CCDC12: variants seen among roughly 807,000 people sequenced by gnomAD.
CCDC12 encodes the protein coiled-coil domain-containing protein 12.
Under a neutral mutation model 25.7 loss-of-function variants are expected in CCDC12, and 28 were observed. The ratio of observed to expected loss-of-function variants is 1.09; its 90% CI spans 0.81 to 1.50. The LOEUF is 1.50. Ranked by LOEUF, CCDC12 falls within the 40% of genes most tolerant of loss-of-function variation. The pLI, the probability that CCDC12 is intolerant of heterozygous loss-of-function variation, is 0.00. For missense variants in CCDC12, 198 were observed against 210.0 expected, an observed-to-expected ratio of 0.94 and a Z score of 0.35; for synonymous variants, 75 against 87.7, an observed-to-expected ratio of 0.86 and a Z score of 0.81.
chr3:46,979,641 T>A, upstream of CCDC12: 1 of 308,610 alleles, frequency 3.2e-6, no homozygotes, highest in Non-Finnish European at 5.9e-6. Context: ...TGCAGCGAAG[T>A]GCAGGAAGCT....
chr3:46,980,755 C>A (rs929876425), upstream of CCDC12, among the ~76,000 whole-genome samples: 2 of 152,156 alleles, frequency 1.3e-5, no homozygotes, highest in African/African-American at 4.8e-5. Context: ...CACACCGTCT[C>A]ACACACATAG....
intron 1 of CCDC12, among the ~76,000 whole-genome samples, chr3:46,955,885 T>G (rs1169391754): frequency 6.6e-6 from 1 of 152,182 alleles, no homozygotes; most frequent in African/African-American, 2.4e-5. Context: ...TGGTACTTGC[T>G]CATCTACTCA....
chr3:46,923,795 C>T, intron 3 of CCDC12, 127 bp from the exon 4 acceptor site: 2 of 716,632 alleles, frequency 2.8e-6, no homozygotes, highest in Non-Finnish European at 4.1e-6. Context: ...TCTGTGTGGC[C>T]CGCAACCAGC....
intron 2 of CCDC12, among the ~76,000 whole-genome samples, chr3:46,931,595 TGCTGCCCTG>T (rs148711982): frequency 1.4e-4 from 10 of 72,330 alleles, no homozygotes; most frequent in Admixed American, 1.7e-4. Flanking sequence ...CACATTCACC[TGCTGCCCTG>T]GGCCCCTGGA....
At chr3:46,962,703 C>T (rs1251300805) in intron 1 of CCDC12, among the ~76,000 whole-genome samples, 2 of 152,116 alleles carry the variant, frequency 1.3e-5, no homozygotes, top group Admixed American at 6.5e-5. Context: ...ATACCTCCAC[C>T]AGCCTGGCTA....
chr3:46,941,162 G>T, intron 1 of CCDC12, 97 bp from the exon 2 acceptor site: 1 of 1,194,434 alleles, frequency 8.4e-7, no homozygotes. Flanking sequence ...CTCAGAAGGG[G>T]GGCACCTGGC....
chr3:46,958,927 T>C (rs1268783364), intron 1 of CCDC12, among the ~76,000 whole-genome samples: 1 of 152,124 alleles, frequency 6.6e-6, no homozygotes, highest in Non-Finnish European at 1.5e-5. Context: ...GCAAAATTCT[T>C]TACAAGTCAA....
At chr3:46,922,644 G>C in intron 5 of CCDC12, 1 of 396,826 alleles carries the variant, frequency 2.5e-6, no homozygotes, top group South Asian at 2.8e-5. Context: ...CCTGCCCACT[G>C]TGGGCCCTGC....
At chr3:46,976,806 C>A (rs1242583262), upstream of CCDC12, 3 of 1,546,800 alleles carry the variant, frequency 1.9e-6, no homozygotes, top group African/African-American at 2.7e-5. Context: ...AAATGTCTCG[C>A]GGCCAATCCA....
Position 46,925,472 on chromosome 3 carries a change from C to G in CCDC12, c.228G>C (p.Gln76His). The change falls in exon 3 of 7, where the codon CAG (glutamine) becomes CAC (histidine). Residue 76 changes from glutamine to histidine, a missense_variant. Gln to His is a conservative substitution (Grantham distance 24). Transcript: ENST00000683445. Reference sequence around the variant, plus strand: ...CTTGCTTACCTGCAACCGGTTTGGCCTGGGGCACCCTCCTCTTCTTCAGGT... The same window carrying G: ...CTTGCTTACCTGCAACCGGTTTGGCGTGGGGCACCCTCCTCTTCTTCAGGT... Reference protein sequence around the residue: ...DEDLKKRRVPQAKPVAVEEKV... With the variant: ...DEDLKKRRVPHAKPVAVEEKV... The G allele has an allele frequency of 6.2e-7, 1 of 1,612,094 alleles. No homozygotes were observed. The highest frequency in any genetic ancestry group is 8.5e-7 in the Non-Finnish European group (1 of 1,178,460).
intron 2 of CCDC12, among the ~76,000 whole-genome samples, chr3:46,926,069 C>T (rs183518453): frequency 4.6e-5 from 7 of 152,356 alleles, no homozygotes; most frequent in East Asian, 3.9e-4. Context: ...CCATGGAATA[C>T]GCCTCAACTA....
chr3:46,973,612 TC>T (rs1188164996), intron 1 of CCDC12, among the ~76,000 whole-genome samples: 2 of 105,496 alleles, frequency 1.9e-5, no homozygotes, highest in Admixed American at 1.6e-4. Context: ...TTTCTTCTTT[TC>T]TTTTTTTTTT....
At position 46,932,057 on chromosome 3, in the gene CCDC12, G is replaced by A. The variant is rs202105148; in HGVS notation, c.165-6522C>T. On this transcript the variant is annotated intron_variant, in intron 2 of 6. Transcript: ENST00000683445. ...GACTCGACAGAAGCATGAAAATGAG[G>A]GGAGAGGCAACTACCCCAAATGAGG... Among the ~76,000 whole-genome samples the A allele has an allele frequency of 7.2e-5, 11 of 152,268 alleles. No homozygotes were observed. In the East Asian group the frequency reaches 1.9e-3, roughly 27 times the overall value.
chr3:46,956,746 A>G (rs548446650), intron 1 of CCDC12, among the ~76,000 whole-genome samples: 2 of 97,988 alleles, frequency 2.0e-5, no homozygotes, highest in Non-Finnish European at 4.3e-5. Flanking sequence ...ATCTGAGCCC[A>G]GGAGGTTGAG....
chr3:46,940,390 C>T (rs927131374), intron 2 of CCDC12, among the ~76,000 whole-genome samples: 23 of 152,044 alleles, frequency 1.5e-4, no homozygotes, highest in Non-Finnish European at 2.4e-4. Flanking sequence ...TGAGAGTATT[C>T]GACAAAATAA....
At chr3:46,967,504 C>T (rs2034676266) in intron 1 of CCDC12, among the ~76,000 whole-genome samples, 1 of 152,168 alleles carries the variant, frequency 6.6e-6, no homozygotes, top group African/African-American at 2.4e-5. Flanking sequence ...TTCCCTAGAT[C>T]TTGGCATCTC....
chr3:46,979,312 A>G (rs533687454), upstream of CCDC12, among the ~76,000 whole-genome samples: 45 of 152,358 alleles, frequency 3.0e-4, no homozygotes, highest in African/African-American at 1.0e-3. Flanking sequence ...GGCATTTGAT[A>G]AGCGCTACAA....
At chr3:46,941,214 C>G (rs1391682789) in intron 1 of CCDC12, 149 bp from the exon 2 acceptor site, 4 of 710,560 alleles carry the variant, frequency 5.6e-6, no homozygotes, top group Non-Finnish European at 1.0e-5. Flanking sequence ...GGGTACACGC[C>G]TGCTGCATCT....
At chr3:46,937,517 A>G (rs1016256121) in intron 2 of CCDC12, among the ~76,000 whole-genome samples, 9 of 152,162 alleles carry the variant, frequency 5.9e-5, no homozygotes, top group African/African-American at 2.2e-4. Flanking sequence ...AAGGATGCTC[A>G]CTGGCGAATG....
Sources: allele counts gnomAD v4.1 joint callset (sites outside exome capture counted in the v4.1 genomes callset), GRCh38; gene constraint gnomAD v4.1.1; transcripts MANE v1.5; gene names NCBI Gene and HGNC (gene_info 2026-07-23, HGNC 2026-07-21).